The following MAGI3 variants were observed in gnomAD, a reference collection of about 807,000 sequenced individuals.
MAGI3 encodes membrane-associated guanylate kinase, WW and PDZ domain-containing protein 3.
A neutral mutation model predicts 121.8 loss-of-function variants in MAGI3; 43 were observed. That is an observed-to-expected ratio of 0.35 (90% CI 0.28 to 0.46). The LOEUF (loss-of-function observed/expected upper bound fraction) is 0.46, where lower values mean the gene tolerates loss of function less well. Among genes scored for constraint, MAGI3 ranks in the 20% least tolerant of loss-of-function variants. The pLI is 1.00. For missense variants in MAGI3, 1,547 were observed against 1,797.3 expected (o/e 0.86, Z 2.52); for synonymous variants, 553 against 639.3 (o/e 0.86, Z 2.04).
At chr1:113,637,581 G>A (rs1652121584) in intron 9 of MAGI3, among the ~76,000 whole-genome samples, 1 of 152,326 alleles carries the variant, frequency 6.6e-6, no homozygotes, top group East Asian at 1.9e-4. Flanking sequence ...GGCTTGTAGA[G>A]TTTCTGCCAA....
Position 113,391,070 on chromosome 1 carries a change from A to T in MAGI3, c.37A>T (p.Ser13Cys). ...KTLKKKKHWL[S>C]KVQECAVSWA... ...GCTGAAGAAGAAGAAGCACTGGCTC[A>T]GCAAGGTGCAGGAGTGCGCCGTGTC... The change falls in exon 1 of 21, where the codon AGC becomes TGC. Residue 13 changes from serine (S) to cysteine (C), a missense_variant. Physicochemically the swap from Ser to Cys is moderately radical, Grantham distance 112. Coordinates refer to ENST00000307546, the MANE Select transcript of MAGI3 (RefSeq NM_001142782.2). The surrounding 1 kb of genome is among the most constrained non-coding windows in gnomAD (Gnocchi z 4.4). 1 of 1,591,492 alleles carries T rather than the reference A, an allele frequency of 6.3e-7. No individual in the cohort carries two copies. The highest frequency in any genetic ancestry group is 8.5e-7 in the Non-Finnish European group (1 of 1,169,964).
chr1:113,425,938 T>TA (rs1652986554), intron 1 of MAGI3, among the ~76,000 whole-genome samples: 2 of 152,174 alleles, frequency 1.3e-5, no homozygotes, highest in Admixed American at 6.5e-5. Flanking sequence ...TTTCCTTTCT[T>TA]ACGCTTTTTT....
At chr1:113,515,311 C>G (rs1286908368) in intron 1 of MAGI3, among the ~76,000 whole-genome samples, 1 of 151,994 alleles carries the variant, frequency 6.6e-6, no homozygotes, top group Non-Finnish European at 1.5e-5. Flanking sequence ...GATCTGTAAA[C>G]TAGTAGCATG....
chr1:113,504,024 G>C (rs1020882274), intron 1 of MAGI3, among the ~76,000 whole-genome samples: 1 of 152,024 alleles, frequency 6.6e-6, no homozygotes, highest in Non-Finnish European at 1.5e-5. Context: ...ATAAGGTTAA[G>C]ATGTTGGAGT....
intron 1 of MAGI3, among the ~76,000 whole-genome samples, chr1:113,403,166 A>G (rs549040095): frequency 1.3e-5 from 2 of 152,114 alleles, no homozygotes; most frequent in Non-Finnish European, 2.9e-5. Context: ...GGACACCTTG[A>G]AACAGTCCAC....
chr1:113,587,523 G>C (rs1182324060), intron 4 of MAGI3, among the ~76,000 whole-genome samples: 1 of 152,138 alleles, frequency 6.6e-6, no homozygotes, highest in East Asian at 1.9e-4. Context: ...TCCCTGCCTT[G>C]AAAAATCAGA....
intron 1 of MAGI3, among the ~76,000 whole-genome samples, chr1:113,424,193 C>G (rs1470633797): frequency 1.3e-5 from 2 of 151,124 alleles, no homozygotes; most frequent in Non-Finnish European, 3.0e-5. Context: ...CTCCAGCCAC[C>G]CCCGCCGCCT....
intron 1 of MAGI3, among the ~76,000 whole-genome samples, chr1:113,531,887 T>G (rs1403155242): frequency 1.3e-5 from 2 of 152,338 alleles, no homozygotes; most frequent in South Asian, 2.1e-4. Flanking sequence ...AGGAAACTGT[T>G]GAAGTAGAGC....
intron 1 of MAGI3, among the ~76,000 whole-genome samples, chr1:113,470,599 T>A (rs1404596638): frequency 5.9e-5 from 9 of 152,176 alleles, no homozygotes; most frequent in Admixed American, 5.9e-4. Flanking sequence ...CAATGCAGAA[T>A]TATTAACTAT....
At position 113,535,124 on chromosome 1, in the gene MAGI3, A is replaced by T. The variant is rs181894270; in HGVS notation, c.317-14391A>T. On this transcript the variant is annotated intron_variant, in intron 1 of 20. Coordinates refer to ENST00000307546, the MANE Select transcript of MAGI3 (RefSeq NM_001142782.2). ...TCAGCTTTCACATGTGTTCCTAGTT[A>T]TGCAGCTCTGAAATTTGAAAGCAAG... 1.5e-3 allele frequency among the ~76,000 whole-genome samples: 223 copies of T among 152,266 alleles called. 3 individuals carry two copies. Among genetic ancestry groups the T allele is most frequent in the African/African-American group, 5.2e-3 (216 of 41,564 alleles).
At chr1:113,512,062 T>A (rs1570779119) in intron 1 of MAGI3, among the ~76,000 whole-genome samples, 1 of 152,338 alleles carries the variant, frequency 6.6e-6, no homozygotes, top group East Asian at 1.9e-4. Context: ...AGACAGTAAT[T>A]TGAAAACGTT....
chr1:113,443,501 T>C (rs573754785), intron 1 of MAGI3, among the ~76,000 whole-genome samples: 1 of 152,300 alleles, frequency 6.6e-6, no homozygotes, highest in Admixed American at 6.5e-5. Flanking sequence ...TGATCAGAAG[T>C]TTATAAAGCT....
chr1:113,623,443 T>C lies in MAGI3; in HGVS notation c.1360+449T>C, dbSNP rs866868624. Among the ~76,000 whole-genome samples the C allele has an allele frequency of 8.5e-3, 536 of 62,986 alleles. 1 individual carries two copies. The highest frequency in any genetic ancestry group is 0.031 in the African/African-American group (512 of 16,628). 41.3% of individuals were successfully genotyped at this position (62,986 alleles called of 152,430 possible). On this transcript the variant is annotated intron_variant, in intron 9 of 20. Coordinates refer to ENST00000307546, the MANE Select transcript of MAGI3 (RefSeq NM_001142782.2). The stretch of plus-strand genomic sequence containing the variant: ...CACATATATATAATACACATATATA[T>C]ACACACACATACACACACACACACA...
intron 1 of MAGI3, among the ~76,000 whole-genome samples, chr1:113,531,741 C>T (rs913143645): frequency 1.0e-5 from 1 of 98,956 alleles, no homozygotes; most frequent in Non-Finnish European, 2.1e-5. Context: ...GGGGCTGGGG[C>T]GGGGACAGGG....
At chr1:113,581,094 G>A (rs1032904921) in intron 3 of MAGI3, 1 of 152,006 alleles carries the variant, frequency 6.6e-6, no homozygotes, top group African/African-American at 2.4e-5. Context: ...AGAATAATTG[G>A]TTTTCTTTTC....
At chr1:113,647,224 G>A (rs533472901) in intron 12 of MAGI3, among the ~76,000 whole-genome samples, 1 of 152,282 alleles carries the variant, frequency 6.6e-6, no homozygotes, top group East Asian at 1.9e-4. Flanking sequence ...GTTCACTTTC[G>A]CTGGGTGCAA....
intron 1 of MAGI3, among the ~76,000 whole-genome samples, chr1:113,511,690 T>C (rs1477952347): frequency 1.3e-5 from 2 of 152,196 alleles, no homozygotes; most frequent in African/African-American, 4.8e-5. Flanking sequence ...CTTGAACAGG[T>C]CCTTGTACAA....
rs117714555 is a variant in MAGI3 at position 113,587,638 on chromosome 1, A to G, written c.763+2042A>G. 7.2e-4 allele frequency among the ~76,000 whole-genome samples: 110 copies of G among 152,356 alleles called. No individual in the cohort carries two copies. In the East Asian group the frequency reaches 8.1e-3, roughly 11 times the overall value. Reference sequence around the variant, plus strand: ...TTGCTGAAGAAATAACCCAAAAGAAAGTTAAAATGGTCATGTACAATAACA... The same window carrying G: ...TTGCTGAAGAAATAACCCAAAAGAAGGTTAAAATGGTCATGTACAATAACA... On this transcript the variant is annotated intron_variant, in intron 4 of 20. Transcript: ENST00000307546.
intron 1 of MAGI3, among the ~76,000 whole-genome samples, chr1:113,477,739 C>T (rs1185068464): frequency 2.0e-5 from 3 of 152,032 alleles, no homozygotes; most frequent in South Asian, 2.1e-4. Flanking sequence ...ATCTTTGTGG[C>T]GTTCTCTGTA....
Sources: allele counts gnomAD v4.1 joint callset (sites outside exome capture counted in the v4.1 genomes callset), GRCh38; gene constraint gnomAD v4.1.1; non-coding constraint Gnocchi (gnomAD v3.1); transcripts MANE v1.5; gene names NCBI Gene and HGNC (gene_info 2026-07-23, HGNC 2026-07-21).